The following LRIG1 variants were observed in gnomAD, a reference collection of about 807,000 sequenced individuals.
LRIG1 encodes leucine rich repeats and immunoglobulin like domains 1.
A neutral mutation model predicts 99.2 loss-of-function variants in LRIG1; 48 were observed. The ratio of observed to expected loss-of-function variants is 0.48; its 90% CI spans 0.38 to 0.62. The LOEUF is 0.62. Among genes scored for constraint, LRIG1 ranks in the 20% least tolerant of loss-of-function variants. The probability of loss-of-function intolerance (pLI) is 0.00; values close to 1 mark genes in which losing one functional copy is unlikely to be tolerated. For synonymous variants in LRIG1, 772 were observed against 596.1 expected (o/e 1.29, Z -4.30); for missense variants, 1,646 against 1,434.4 (o/e 1.15, Z -2.38).
At chr3:66,485,907 A>G (rs549810982) in intron 1 of LRIG1, among the ~76,000 whole-genome samples, 31 of 152,328 alleles carry the variant, frequency 2.0e-4, no homozygotes, top group African/African-American at 7.5e-4. Flanking sequence ...TCAAGCCACC[A>G]AAGACCAATC....
At position 66,383,104 on chromosome 3, in the gene LRIG1, C is replaced by T; in HGVS notation, c.2369G>A (p.Gly790Glu). ...VLPAAGCRKDGTTVGIFTIAV... is the reference protein window; with the variant it reads ...VLPAAGCRKDETTVGIFTIAV... ...AATGGTGAAGATGCCTACCGTGGTC[C>T]CATCCTTCCTGCAGCCTGCTGCGGG... is the stretch of plus-strand genomic sequence containing the variant. Residue 790 changes from glycine to glutamate, a missense_variant, in exon 15 of 19, where the codon GGG (glycine) becomes GAG (glutamate). By Grantham distance (98) the Gly-to-Glu change is moderately conservative (BLOSUM62 -2). Coordinates refer to ENST00000273261, the MANE Select transcript of LRIG1 (RefSeq NM_015541.3). 1.9e-6 allele frequency: 3 copies of T among 1,614,230 alleles called. No individual in the cohort carries two copies. Among genetic ancestry groups the T allele is most frequent in the East Asian group, 2.2e-5 (1 of 44,878 alleles).
intron 3 of LRIG1, among the ~76,000 whole-genome samples, chr3:66,447,514 G>A (rs1703767415): frequency 6.6e-6 from 1 of 152,184 alleles, no homozygotes; most frequent in Non-Finnish European, 1.5e-5. Context: ...TTAATTGTGT[G>A]CCCCTAAGTT....
chr3:66,419,296 G>C (rs542090633), intron 3 of LRIG1, among the ~76,000 whole-genome samples: 1 of 152,060 alleles, frequency 6.6e-6, no homozygotes, highest in African/African-American at 2.4e-5. Context: ...CTGTGGTCCG[G>C]TACCTTTTGC....
rs1700907734 is a variant in LRIG1 at position 66,379,554 on chromosome 3, G to GATTAACAACCCTCATTCTACGCCTTA, written c.*683_*708dup. 1 of 152,028 alleles carries GATTAACAACCCTCATTCTACGCCTTA rather than the reference G, an allele frequency of 6.6e-6. No homozygotes were observed. The highest frequency in any genetic ancestry group is 1.5e-5 in the Non-Finnish European group (1 of 67,992). The allele number at this position is 152,028 out of a possible 1,614,324, so 9.4% of individuals were successfully genotyped here. On this transcript the variant is annotated 3_prime_UTR_variant, in exon 19 of 19. Coordinates refer to ENST00000273261, the MANE Select transcript of LRIG1 (RefSeq NM_015541.3). ...CTGTTCTGACCTTTTGCTTGTGATG[G>GATTAACAACCCTCATTCTACGCCTTA]ATTAACAACCCTCATTCTACGCCTT...
intron 1 of LRIG1, among the ~76,000 whole-genome samples, chr3:66,471,324 T>A (rs9863395): frequency 6.6e-6 from 1 of 152,182 alleles, no homozygotes; most frequent in Admixed American, 6.5e-5. Context: ...AACTTTCACA[T>A]AGTCCTTAAG....
chr3:66,493,704 G>T (rs1243809695), intron 1 of LRIG1, among the ~76,000 whole-genome samples: 1 of 152,146 alleles, frequency 6.6e-6, no homozygotes, highest in Non-Finnish European at 1.5e-5. Context: ...ACTGAGATGG[G>T]AGGACTGCTT....
Position 66,380,117 on chromosome 3 carries a change from A to C in LRIG1, c.*146T>G. 1 of 640,346 alleles carries C rather than the reference A, an allele frequency of 1.6e-6. No homozygotes were observed. Among genetic ancestry groups the C allele is most frequent in the Non-Finnish European group, 2.6e-6 (1 of 380,920 alleles). 39.7% of individuals were successfully genotyped at this position (640,346 alleles called of 1,614,324 possible). On this transcript the variant is annotated 3_prime_UTR_variant, in exon 19 of 19. Transcript: ENST00000273261. The stretch of plus-strand genomic sequence containing the variant: ...CCCTCTTGCGTTTACTGTGCTTCAG[A>C]TCCAAGTCCTGTGAGCGACTGATAC...
intron 2 of LRIG1, among the ~76,000 whole-genome samples, chr3:66,461,828 G>C (rs1298437607): frequency 6.6e-6 from 1 of 152,174 alleles, no homozygotes; most frequent in Non-Finnish European, 1.5e-5. Flanking sequence ...ACACTGCAAG[G>C]GACAGCAAGC....
At chr3:66,442,012 G>A (rs1703557800) in intron 3 of LRIG1, among the ~76,000 whole-genome samples, 1 of 152,156 alleles carries the variant, frequency 6.6e-6, no homozygotes, top group African/African-American at 2.4e-5. Flanking sequence ...CAATATCAGT[G>A]TACCATATAT....
chr3:66,406,139 CAG>C, intron 8 of LRIG1: 2 of 985,510 alleles, frequency 2.0e-6, no homozygotes, highest in Non-Finnish European at 1.2e-6. Context: ...ATGCTGCCAG[CAG>C]AGAGGGCAGC....
At chr3:66,405,891 C>T in intron 8 of LRIG1, 2 of 1,042,572 alleles carry the variant, frequency 1.9e-6, no homozygotes, top group Non-Finnish European at 1.2e-6. Flanking sequence ...GCCAACTCAG[C>T]CCAGGCCCCT....
rs768375949 is a variant in LRIG1, at chr3:66,380,238, T to C, written c.*25A>G. ...CCTCTCTTTCCCGTAGAGATTGGTA[T>C]GACAAGAACTGAGGTAGACAAAACC... On this transcript the variant is annotated 3_prime_UTR_variant, in exon 19 of 19. Coordinates refer to ENST00000273261, the MANE Select transcript of LRIG1 (RefSeq NM_015541.3). The C allele has an allele frequency of 1.9e-6, 3 of 1,581,612 alleles. No homozygotes were observed. Among genetic ancestry groups the C allele is most frequent in the South Asian group, 1.2e-5 (1 of 86,912 alleles).
At chr3:66,405,162 C>T in intron 9 of LRIG1, 36 bp downstream of exon 9, 1 of 1,590,642 alleles carries the variant, frequency 6.3e-7, no homozygotes, top group Non-Finnish European at 8.6e-7. Flanking sequence ...GTGTCCCGCG[C>T]ATTTGCCGGC....
chr3:66,414,681 G>C (rs1411041530), intron 5 of LRIG1, among the ~76,000 whole-genome samples: 7 of 152,120 alleles, frequency 4.6e-5, no homozygotes. Flanking sequence ...TTCCATTTTG[G>C]AAAACATCAG....
intron 2 of LRIG1, among the ~76,000 whole-genome samples, chr3:66,456,173 C>T (rs1205346076): frequency 3.3e-5 from 5 of 152,230 alleles, no homozygotes; most frequent in Non-Finnish European, 4.4e-5. Context: ...TTACTTCCCT[C>T]TTCTGAAGAA....
intron 2 of LRIG1, among the ~76,000 whole-genome samples, chr3:66,460,592 G>A (rs1472426548): frequency 1.4e-4 from 21 of 152,326 alleles, no homozygotes; most frequent in African/African-American, 1.2e-4. Context: ...GACCACGTGA[G>A]GGCACAGTGC....
At chr3:66,471,372 GC>G (rs1553724801) in intron 1 of LRIG1, among the ~76,000 whole-genome samples, 2 of 56,428 alleles carry the variant, frequency 3.5e-5, no homozygotes, top group East Asian at 7.9e-4. Context: ...CTGCACAATA[GC>G]CCCCCTATCC....
In LRIG1 at chr3:66,438,210, CCT is replaced by C. The variant is rs558184047; in HGVS notation, c.365+13347_365+13348del. 1.8e-4 allele frequency among the ~76,000 whole-genome samples: 28 copies of C among 152,242 alleles called. 1 individual carries two copies. The East Asian group carries it at 4.6e-3, about 25-fold the overall frequency. On this transcript the variant is annotated intron_variant, in intron 3 of 18. Transcript: ENST00000273261. Reference sequence around the variant, plus strand: ...CGAAGGGCCTGCTAGGGTGCTACCCCCTGTCCCACTCCACGCAGACTCTGCAA... The same window carrying C: ...CGAAGGGCCTGCTAGGGTGCTACCCCGTCCCACTCCACGCAGACTCTGCAA...
At chr3:66,404,096 C>T (rs1336860679) in intron 9 of LRIG1, 2 of 428,118 alleles carry the variant, frequency 4.7e-6, no homozygotes, top group African/African-American at 2.1e-5. Context: ...TGCTGGAGTA[C>T]AGGACGCTCA....
Sources: gnomAD v4.1 joint callset for allele counts (sites outside exome capture counted in the v4.1 genomes callset) on GRCh38, gnomAD v4.1.1 for gene constraint, MANE v1.5 for transcripts, NCBI Gene and HGNC (gene_info 2026-07-23, HGNC 2026-07-21) for gene names.